ARHGAP22: variants seen among roughly 807,000 people sequenced by gnomAD.
The protein encoded by ARHGAP22 is rho GTPase-activating protein 22.
ARHGAP22 carries 48 observed loss-of-function variants against 59.1 expected under a neutral mutation model. The ratio of observed to expected loss-of-function variants is 0.81; its 90% CI spans 0.64 to 1.03. ARHGAP22 has a LOEUF of 1.03. Among genes scored for constraint, ARHGAP22 ranks in the 50% least tolerant of loss-of-function variants. The pLI, the probability that ARHGAP22 is intolerant of heterozygous loss-of-function variation, is 0.00. For missense variants in ARHGAP22, 1,015 were observed against 958.7 expected, an observed-to-expected ratio of 1.06 and a Z score of -0.78; for synonymous variants, 445 against 416.4, an observed-to-expected ratio of 1.07 and a Z score of -0.84.
At chr10:48,469,338 T>G (rs1313597268) in intron 4 of ARHGAP22, among the ~76,000 whole-genome samples, 3 of 152,054 alleles carry the variant, frequency 2.0e-5, no homozygotes, top group Admixed American at 2.0e-4. Flanking sequence ...GGGATGGGAG[T>G]GCAGAGACAG....
At chr10:48,597,302 C>A (rs2060125763) in intron 1 of ARHGAP22, among the ~76,000 whole-genome samples, 1 of 152,034 alleles carries the variant, frequency 6.6e-6, no homozygotes, top group African/African-American at 2.4e-5. Flanking sequence ...CAGGATTCTC[C>A]TACCCACGGC....
At chr10:48,459,538 T>G (rs1589487430) in intron 5 of ARHGAP22, 146 bp downstream of exon 5, 2 of 893,472 alleles carry the variant, frequency 2.2e-6, no homozygotes, top group Non-Finnish European at 1.8e-6. Context: ...GGAGTGAGGG[T>G]GTGCCCTACA....
rs540658934 is a variant in ARHGAP22 at position 48,636,369 on chromosome 10, G to T, written c.52+15865C>A. The stretch of plus-strand genomic sequence containing the variant: ...GCTTGGTGCTTGTGCAGGGAGACTG[G>T]GGTGAGCAGGATGGAGGCCTTAGAG... On this transcript the variant is annotated intron_variant, in intron 1 of 9. Coordinates refer to the ARHGAP22 transcript ENST00000435790. 3.3e-5 allele frequency among the ~76,000 whole-genome samples: 5 copies of T among 152,300 alleles called. No individual in the cohort carries two copies. The East Asian group carries it at 9.6e-4, about 29-fold the overall frequency.
At chr10:48,596,595 CT>C (rs1175926691) in intron 1 of ARHGAP22, among the ~76,000 whole-genome samples, 1 of 152,190 alleles carries the variant, frequency 6.6e-6, no homozygotes, top group Admixed American at 6.5e-5. Context: ...CACTTCCAGG[CT>C]TTTCACCCTG....
intron 2 of ARHGAP22, among the ~76,000 whole-genome samples, chr10:48,563,528 C>A (rs545365540): frequency 6.6e-6 from 1 of 152,178 alleles, no homozygotes; most frequent in African/African-American, 2.4e-5. Flanking sequence ...TGGTTAGCAA[C>A]CTTAATTCTA....
chr10:48,472,241 C>T (rs572239652), intron 4 of ARHGAP22, among the ~76,000 whole-genome samples: 2 of 148,600 alleles, frequency 1.3e-5, no homozygotes, highest in Admixed American at 6.7e-5. Flanking sequence ...AGAGTAACAG[C>T]GGCTGGGTGT....
Position 48,604,744 on chromosome 10 carries a change from C to T in ARHGAP22, c.34+19G>A. ...AGGCACATGCGGTGCCCAGAGAAAC[C>T]CCAGAAAGTTGGACTTACCCCTCCT... On this transcript the variant is annotated intron_variant, in intron 1 of 9. Coordinates refer to ENST00000249601, the MANE Select transcript of ARHGAP22 (RefSeq NM_021226.4). 1 of 1,614,230 alleles carries T rather than the reference C, an allele frequency of 6.2e-7. No individual in the cohort carries two copies. Among genetic ancestry groups the T allele is most frequent in the Non-Finnish European group, 8.5e-7 (1 of 1,180,044 alleles).
intron 4 of ARHGAP22, among the ~76,000 whole-genome samples, chr10:48,469,360 C>T (rs1780801479): frequency 6.6e-6 from 1 of 152,222 alleles, no homozygotes; most frequent in Admixed American, 6.5e-5. Flanking sequence ...CATGAGACTG[C>T]CTTCTCAGGG....
At chr10:48,483,533 TAA>T (rs2049541622) in intron 3 of ARHGAP22, among the ~76,000 whole-genome samples, 1 of 152,134 alleles carries the variant, frequency 6.6e-6, no homozygotes, top group East Asian at 1.9e-4. Context: ...CAACAATGTA[TAA>T]GAGTTTTCTT....
upstream of ARHGAP22, among the ~76,000 whole-genome samples, chr10:48,607,881 G>A (rs1364493792): frequency 3.3e-5 from 5 of 152,220 alleles, no homozygotes; most frequent in African/African-American, 9.7e-5. Context: ...AGAAGTCTCC[G>A]GAAGGCAGAA....
Position 48,633,839 on chromosome 10 carries a change from C to A in ARHGAP22, c.52+18395G>T, listed in dbSNP as rs754629078. 2.7e-4 allele frequency among the ~76,000 whole-genome samples: 41 copies of A among 152,136 alleles called. 1 individual carries two copies. Among genetic ancestry groups the A allele is most frequent in the Non-Finnish European group, 4.4e-5 (3 of 68,014 alleles). ...CCACGGGGCTAAGAGGAGGAGGGAG[C>A]AGAGGGCTGGGCATGGGAGGAGGGA... On this transcript the variant is annotated intron_variant, in intron 1 of 9. Transcript: ENST00000435790.
chr10:48,470,056 G>A (rs1487264040), intron 4 of ARHGAP22, among the ~76,000 whole-genome samples: 1 of 152,218 alleles, frequency 6.6e-6, no homozygotes, highest in Non-Finnish European at 1.5e-5. Context: ...GGGACACAGA[G>A]TCCAGGATAG....
intron 3 of ARHGAP22, among the ~76,000 whole-genome samples, chr10:48,484,468 G>A (rs1407427586): frequency 2.0e-5 from 3 of 152,178 alleles, no homozygotes; most frequent in Non-Finnish European, 2.9e-5. Context: ...TACTTACAGT[G>A]TCTTGGTCTG....
At chr10:48,482,535 C>T (rs2049428222) in intron 3 of ARHGAP22, among the ~76,000 whole-genome samples, 1 of 152,166 alleles carries the variant, frequency 6.6e-6, no homozygotes, top group South Asian at 2.1e-4. Flanking sequence ...TTTCCTGTAT[C>T]TTATGACAAA....
At chr10:48,650,183 G>A (rs2062501064) in intron 1 of ARHGAP22, among the ~76,000 whole-genome samples, 1 of 119,134 alleles carries the variant, frequency 8.4e-6, no homozygotes, top group African/African-American at 3.1e-5. Context: ...AGCCTTTCAC[G>A]AAATGGCATT....
chr10:48,554,244 G>T (rs1270243204), intron 3 of ARHGAP22, among the ~76,000 whole-genome samples: 1 of 152,236 alleles, frequency 6.6e-6, no homozygotes, highest in Admixed American at 6.5e-5. Flanking sequence ...ACAGGACAAA[G>T]GTAGACATGC....
chr10:48,485,752 T>C (rs1353495166), intron 3 of ARHGAP22, among the ~76,000 whole-genome samples: 1 of 152,226 alleles, frequency 6.6e-6, no homozygotes, highest in African/African-American at 2.4e-5. Flanking sequence ...AATGACCTTA[T>C]TTATCCCTAG....
chr10:48,548,910 G>A (rs559296398), intron 3 of ARHGAP22, among the ~76,000 whole-genome samples: 21 of 152,308 alleles, frequency 1.4e-4, no homozygotes, highest in South Asian at 4.1e-4. Context: ...GGAAGAGCAG[G>A]GCTCTGGGGT....
intron 4 of ARHGAP22, among the ~76,000 whole-genome samples, chr10:48,473,543 G>T (rs201967525): frequency 1.3e-5 from 1 of 74,240 alleles, no homozygotes. Context: ...CTCAGAGAAC[G>T]CTGAGGACTA....
Sources: allele counts gnomAD v4.1 joint callset (sites outside exome capture counted in the v4.1 genomes callset), GRCh38; gene constraint gnomAD v4.1.1; transcripts MANE v1.5; gene names NCBI Gene and HGNC (gene_info 2026-07-23, HGNC 2026-07-21).